Variants in PHF8 observed in about 807,000 individuals in gnomAD.
The protein encoded by PHF8 is PHD finger protein 8, also known as histone lysine demethylase PHF8.
A neutral mutation model predicts 74.4 loss-of-function variants in PHF8; 9 were observed. That is an observed-to-expected ratio of 0.12 (90% CI 0.07 to 0.21). The LOEUF is 0.21. PHF8 is among the 10% of genes least tolerant of loss of function. The probability of loss-of-function intolerance (pLI) is 1.00; values close to 1 mark genes in which losing one functional copy is unlikely to be tolerated. For missense variants in PHF8, 478 were observed against 816.6 expected, an observed-to-expected ratio of 0.59 and a Z score of 5.05; for synonymous variants, 311 against 316.6, an observed-to-expected ratio of 0.98 and a Z score of 0.19.
intron 11 of PHF8, among the ~76,000 whole-genome samples, chrX:53,996,957 G>A (rs1473018480): frequency 8.9e-6 from 1 of 112,580 alleles, no homozygotes; most frequent in Admixed American, 9.4e-5. Flanking sequence ...TTGATCAACT[G>A]GACTTAAAAA....
At chrX:53,985,310 G>C in intron 17 of PHF8, 83 bp from the exon 18 acceptor site, 2 of 775,967 alleles carry the variant, frequency 2.6e-6, no homozygotes, top group Non-Finnish European at 3.9e-6. Context: ...CAGGGAGGAG[G>C]GATGATAGCT....
chrX:53,938,593 A>G lies in PHF8; in HGVS notation c.*565T>C. 1.8e-5 allele frequency: 14 copies of G among 757,495 alleles called. No individual in the cohort carries two copies. The highest frequency in any genetic ancestry group is 2.0e-5 in the Non-Finnish European group (13 of 641,320). The allele number at this position is 757,495 out of a possible 1,213,427, so 62.4% of individuals were successfully genotyped here. On this transcript the variant is annotated 3_prime_UTR_variant, in exon 22 of 22. Transcript: ENST00000338154. ...CACAGTGGGGCAGGAAGGAGGCTCT[A>G]GGCCTTCCTCTTCATTTCCATGAAG...
rs1003352513 is a variant in PHF8 at position 54,022,203 on chromosome X, G to A, written c.293+56C>T. On this transcript the variant is annotated intron_variant, in intron 4 of 21. Transcript: ENST00000338154. Reference sequence around the variant, plus strand: ...CACTGGGAAAGCTGGGAAGAGGTGAGTTCCAGCTTCCCAGAGCCCTGGCAT... The same window carrying A: ...CACTGGGAAAGCTGGGAAGAGGTGAATTCCAGCTTCCCAGAGCCCTGGCAT... The A allele has an allele frequency of 1.0e-5, 7 of 701,170 alleles. No homozygotes were observed. The South Asian group carries it at 1.1e-4, about 11-fold the overall frequency. The allele number at this position is 701,170 out of a possible 1,213,427, so 57.8% of individuals were successfully genotyped here.
chrX:53,996,505 G>A (rs183095626), intron 11 of PHF8, among the ~76,000 whole-genome samples: 57 of 109,675 alleles, frequency 5.2e-4, no homozygotes, highest in African/African-American at 1.9e-3. Flanking sequence ...GGTGGCCCAG[G>A]GAAGCCAAAA....
At chrX:53,974,030 C>T (rs925972913) in intron 18 of PHF8, among the ~76,000 whole-genome samples, 4 of 111,054 alleles carry the variant, frequency 3.6e-5, no homozygotes, top group Non-Finnish European at 7.6e-5. Context: ...GGGGCTGAGG[C>T]GGGCGGATCA....
At chrX:54,018,777 C>T (rs781791948) in intron 4 of PHF8, among the ~76,000 whole-genome samples, 1 of 110,540 alleles carries the variant, frequency 9.0e-6, no homozygotes, top group African/African-American at 3.3e-5. Context: ...TGCGCCACCA[C>T]GCCCAGCTAA....
At chrX:54,036,849 A>G (rs1202729806) in intron 2 of PHF8, among the ~76,000 whole-genome samples, 1 of 108,100 alleles carries the variant, frequency 9.3e-6, no homozygotes, top group African/African-American at 3.4e-5. Flanking sequence ...AAATACAAAA[A>G]ATTAGCTGGG....
chrX:53,973,266 T>C (rs1242092982), intron 18 of PHF8, among the ~76,000 whole-genome samples: 2 of 111,902 alleles, frequency 1.8e-5, no homozygotes, highest in African/African-American at 3.2e-5. Context: ...TAAACCACTA[T>C]TGACATTCTT....
chrX:53,964,588 G>A (rs781803613), intron 18 of PHF8, among the ~76,000 whole-genome samples: 4 of 111,464 alleles, frequency 3.6e-5, no homozygotes, highest in East Asian at 2.8e-4. Flanking sequence ...AGTAGAGGTC[G>A]GGCGCAGTGG....
chrX:53,956,590 A>G (rs1157941964), intron 19 of PHF8, among the ~76,000 whole-genome samples: 1 of 111,613 alleles, frequency 9.0e-6, no homozygotes, highest in Admixed American at 9.6e-5. Context: ...ATGCAAACAA[A>G]TGATCAACAC....
chrX:53,975,240 G>A (rs1342974889), intron 18 of PHF8, among the ~76,000 whole-genome samples: 1 of 112,085 alleles, frequency 8.9e-6, no homozygotes, highest in Non-Finnish European at 1.9e-5. Flanking sequence ...TCAGCATTTG[G>A]AGAAAGAGGA....
intron 20 of PHF8, among the ~76,000 whole-genome samples, chrX:53,941,120 A>C (rs1430251619): frequency 8.9e-6 from 1 of 112,264 alleles, no homozygotes; most frequent in Non-Finnish European, 1.9e-5. Context: ...AATCTGGTTC[A>C]AATCCAGGCT....
intron 18 of PHF8, among the ~76,000 whole-genome samples, chrX:53,979,274 T>C (rs1017432394): frequency 9.1e-6 from 1 of 109,944 alleles, no homozygotes; most frequent in Admixed American, 9.7e-5. Context: ...CCCAGCTACT[T>C]AGGAGGCTGA....
In PHF8 at chrX:53,946,085, C is replaced by T. The variant is rs141210141; in HGVS notation, c.2540-1842G>A. On this transcript the variant is annotated intron_variant, in intron 19 of 21. Coordinates refer to ENST00000338154, the MANE Select transcript of PHF8 (RefSeq NM_015107.3). ...CCAAACAGCCCTAAATGATGAGAGA[C>T]AGCTCTTCTTTACAGAAGAAAGCCA... Among the ~76,000 whole-genome samples, 10 of 112,249 alleles carry T rather than the reference C, an allele frequency of 8.9e-5. No individual in the cohort carries two copies. The East Asian group carries it at 2.8e-3, about 31-fold the overall frequency.
intron 18 of PHF8, among the ~76,000 whole-genome samples, chrX:53,966,765 G>T (rs1281350539): frequency 9.2e-6 from 1 of 108,970 alleles, no homozygotes; most frequent in East Asian, 3.0e-4. Context: ...CTGCCCGGCT[G>T]CCATCCCATC....
At position 54,011,840 on chromosome X, in the gene PHF8, A is replaced by G. The variant is rs376598487; in HGVS notation, c.784-556T>C. On this transcript the variant is annotated intron_variant, in intron 7 of 21. Transcript: ENST00000338154. ...TTTCCTAATTGTGTTTTGCCTGGAT[A>G]AACACCAGAAAGATAATTTGGCAAA... is the stretch of plus-strand genomic sequence containing the variant. Among the ~76,000 whole-genome samples the G allele has an allele frequency of 1.6e-4, 17 of 107,647 alleles. No individual in the cohort carries two copies. The East Asian group carries it at 4.9e-3, about 31-fold the overall frequency. The allele number at this position is 107,647 out of a possible 115,157, so 93.5% of individuals were successfully genotyped here. A position where few individuals can be genotyped will look rare whatever the true frequency, so the allele number is the denominator to read the frequency against.
rs781812667 is a variant in PHF8, at chrX:53,957,998, G to A, written c.2539+4846C>T. Among the ~76,000 whole-genome samples, 22 of 110,880 alleles carry A rather than the reference G, an allele frequency of 2.0e-4. No homozygotes were observed. The South Asian group carries it at 7.2e-3, about 36-fold the overall frequency. On this transcript the variant is annotated intron_variant, in intron 19 of 21. Transcript: ENST00000338154. The stretch of plus-strand genomic sequence containing the variant: ...GCACTGCGGATGGAAGTGTAAATTG[G>A]TACAACTTTTCTGGAAAACACTTCT...
intron 18 of PHF8, among the ~76,000 whole-genome samples, chrX:53,967,292 A>T (rs1603306253): frequency 2.0e-5 from 2 of 102,297 alleles, no homozygotes; most frequent in East Asian, 3.4e-4. Context: ...CTGCCCGGCC[A>T]GCCGCCCCGT....
At chrX:53,985,717 C>G in intron 17 of PHF8, 99 bp downstream of exon 17, 1 of 1,180,351 alleles carries the variant, frequency 8.5e-7, no homozygotes, top group African/African-American at 1.8e-5. Flanking sequence ...CTTTAAATAG[C>G]TCTATAAATA....
Sources: allele counts gnomAD v4.1 joint callset (sites outside exome capture counted in the v4.1 genomes callset), GRCh38; gene constraint gnomAD v4.1.1; transcripts MANE v1.5; gene names NCBI Gene and HGNC (gene_info 2026-07-23, HGNC 2026-07-21).